The following PKDCC variants were observed in gnomAD, a reference collection of about 807,000 sequenced individuals.
PKDCC encodes protein kinase domain containing, cytoplasmic, also known as extracellular tyrosine-protein kinase PKDCC.
A neutral mutation model predicts 44.7 loss-of-function variants in PKDCC; 35 were observed. The observed-to-expected ratio is 0.78, with a 90% CI of 0.60 to 1.04. The LOEUF is 1.04. PKDCC is among the 50% of genes least tolerant of loss of function. The pLI is 0.00. For synonymous variants in PKDCC, 353 were observed against 303.3 expected (o/e 1.16, Z -1.70); for missense variants, 738 against 672.7 (o/e 1.10, Z -1.07).
chr2:42,048,171 G>A lies in PKDCC; in HGVS notation c.-29G>A. On this transcript the variant is annotated 5_prime_UTR_variant, in exon 1 of 7. Coordinates refer to ENST00000294964, the MANE Select transcript of PKDCC (RefSeq NM_138370.3). The surrounding 1 kb of genome is among the most constrained non-coding windows in gnomAD (Gnocchi z 6.2). ...CGGGGCCGGGGCCGGGGAGCCGCGC[G>A]GGGCCGGCCGGCCGGGGGGAGGGGA... 2 of 1,058,092 alleles carry A rather than the reference G, an allele frequency of 1.9e-6. No homozygotes were observed. Among genetic ancestry groups the A allele is most frequent in the East Asian group, 7.2e-5 (1 of 13,924 alleles). The allele number at this position is 1,058,092 out of a possible 1,614,324, so 65.5% of individuals were successfully genotyped here.
Position 42,048,227 on chromosome 2 carries a change from G to T in PKDCC, c.28G>T (p.Ala10Ser). The T allele has an allele frequency of 8.0e-7, 1 of 1,243,090 alleles. No homozygotes were observed. 77.0% of individuals were successfully genotyped at this position (1,243,090 alleles called of 1,614,324 possible). The change falls in exon 1 of 7, where the codon GCG becomes TCG. Residue 10 changes from alanine (A) to serine (S), a missense_variant. Physicochemically the swap from Ala to Ser is moderately conservative, Grantham distance 99 (BLOSUM62 1). Transcript: ENST00000294964. The surrounding 1 kb of genome is among the most constrained non-coding windows in gnomAD (Gnocchi z 6.2). ...GCGGCGCCGGCGGGCGGCAGTGGCC[G>T]CGGGTTTCTGCGCCTCCTTCCTGCT... The part of the protein sequence containing the change: MRRRRAAVA[A>S]GFCASFLLGS...
chr2:42,054,361 G>A lies in PKDCC; in HGVS notation c.1034+54G>A. On this transcript the variant is annotated intron_variant, in intron 3 of 6. Transcript: ENST00000294964. This position sits in a 1 kb window ranked among gnomAD's most constrained non-coding sequence, Gnocchi z 6.1. ...CATCGAAGGAGAATGGGCCAGGAGG[G>A]CATGGCAGGAAGAGAGCCAACGTGG... 3.2e-6 allele frequency: 5 copies of A among 1,538,992 alleles called. No homozygotes were observed. The highest frequency in any genetic ancestry group is 2.6e-6 in the Non-Finnish European group (3 of 1,138,878).
rs751205624 is a variant in PKDCC, at chr2:42,057,359, G to A, written c.1361G>A (p.Arg454Gln). 19 of 1,614,160 alleles carry A rather than the reference G, an allele frequency of 1.2e-5. No individual in the cohort carries two copies. Among genetic ancestry groups the A allele is most frequent in the Admixed American group, 6.7e-5 (4 of 60,020 alleles). The change falls in exon 6 of 7, where the codon CGG becomes CAG. Residue 454 changes from arginine (R) to glutamine (Q), a missense_variant. Arg to Gln is a conservative substitution (Grantham distance 43, BLOSUM62 1). Transcript: ENST00000294964. ...GTCTGTGAGAGCCATGCCCAGTGTC[G>A]GGCCTTTGTGGTCACCAACCAGACC... is the stretch of plus-strand genomic sequence containing the variant. ...VDVCESHAQC[R>Q]AFVVTNQTTW... is the part of the protein sequence containing the mutation.
chr2:42,051,492 T>C lies in PKDCC; in HGVS notation c.640-1747T>C, dbSNP rs1209848348. Among the ~76,000 whole-genome samples the C allele has an allele frequency of 1.4e-5, 2 of 145,890 alleles. No homozygotes were observed. The highest frequency in any genetic ancestry group is 3.0e-5 in the Non-Finnish European group (2 of 66,488). The stretch of plus-strand genomic sequence containing the variant: ...TCAGCCTCACGCTTCCTGGGGGGGG[T>C]TAATGGTGTCTTTTTATTTTTTCCT... On this transcript the variant is annotated intron_variant, in intron 1 of 6. Transcript: ENST00000294964. The surrounding 1 kb of genome is among the most constrained non-coding windows in gnomAD (Gnocchi z 4.2).
chr2:42,048,734 G>C lies in PKDCC; in HGVS notation c.535G>C (p.Val179Leu), dbSNP rs1325525407. The C allele has an allele frequency of 3.2e-6, 5 of 1,571,478 alleles. No homozygotes were observed. Among genetic ancestry groups the C allele is most frequent in the African/African-American group, 1.4e-5 (1 of 74,002 alleles). Residue 179 changes from valine to leucine, a missense_variant, in exon 1 of 7, where the codon GTG (valine) becomes CTG (leucine). Val to Leu is a conservative substitution (Grantham distance 32). Coordinates refer to ENST00000294964, the MANE Select transcript of PKDCC (RefSeq NM_138370.3). The surrounding 1 kb of genome is among the most constrained non-coding windows in gnomAD (Gnocchi z 6.2). ...DFSGHDLGSC[V>L]REFGVRRGCY... ...TAGCGGCCACGATCTGGGCAGCTGC[G>C]TGCGCGAGTTCGGGGTACGGAGGGG...
intron 1 of PKDCC, among the ~76,000 whole-genome samples, chr2:42,050,245 G>A (rs1284713830): frequency 6.6e-6 from 1 of 152,176 alleles, no homozygotes; most frequent in Non-Finnish European, 1.5e-5. Context: ...GCAGCTTCAG[G>A]GAGTGAGCCC....
intron 1 of PKDCC, 49 bp from the exon 2 acceptor site, chr2:42,053,190 T>TGCCCCC: frequency 4.2e-6 from 5 of 1,200,002 alleles, no homozygotes; most frequent in Non-Finnish European, 5.9e-6. Context: ...CCCTTCCCTG[T>TGCCCCC]CCCCACCCCC....
Position 42,054,238 on chromosome 2 carries a change from C to A in PKDCC, c.965C>A (p.Thr322Asn), listed in dbSNP as rs1240275871. 7 of 1,604,262 alleles carry A rather than the reference C, an allele frequency of 4.4e-6. No individual in the cohort carries two copies. The highest frequency in any genetic ancestry group is 1.3e-5 in the African/African-American group (1 of 74,746). The change falls in exon 3 of 7, where the codon ACC (threonine) becomes AAC (asparagine). Residue 322 changes from threonine (T) to asparagine (N), a missense_variant. Transcript: ENST00000294964. This position sits in a 1 kb window ranked among gnomAD's most constrained non-coding sequence, Gnocchi z 6.1. ...CTCGAGTTTCCGGCCAGGAACTTCA[C>A]CCTGCCCTGCTCAGCCCAGGGCTGG... ...CILEFPARNFTLPCSAQGWCE... is the reference protein window; with the variant it reads ...CILEFPARNFNLPCSAQGWCE...
rs980569106 is a variant in PKDCC, at chr2:42,055,790, A to G, written c.1222+397A>G. Among the ~76,000 whole-genome samples the G allele has an allele frequency of 5.3e-5, 8 of 152,206 alleles. No individual in the cohort carries two copies. The highest frequency in any genetic ancestry group is 1.7e-4 in the African/African-American group (7 of 41,446). ...ATGTCAGGTGAAATGTGTGAAAGCA[A>G]TTAGTGCAGTTCCTATGACACAGCT... On this transcript the variant is annotated intron_variant, in intron 5 of 6. Coordinates refer to ENST00000294964, the MANE Select transcript of PKDCC (RefSeq NM_138370.3). This position sits in a 1 kb window ranked among gnomAD's most constrained non-coding sequence, Gnocchi z 4.5.
Position 42,057,757 on chromosome 2 carries a change from T to G in PKDCC, c.*69T>G, listed in dbSNP as rs896250447. The G allele has an allele frequency of 8.1e-6, 11 of 1,361,192 alleles. No individual in the cohort carries two copies. In the African/African-American group the frequency reaches 1.4e-4, roughly 18 times the overall value. The allele number at this position is 1,361,192 out of a possible 1,614,324, so 84.3% of individuals were successfully genotyped here. A position where few individuals can be genotyped will look rare whatever the true frequency, so the allele number is the denominator to read the frequency against. Reference sequence around the variant, plus strand: ...TGGGCTTGCCTGTGGAGGGAGTGACTTGCACTGGCAGCACTGCATGTCACC... The same window carrying G: ...TGGGCTTGCCTGTGGAGGGAGTGACGTGCACTGGCAGCACTGCATGTCACC... On this transcript the variant is annotated 3_prime_UTR_variant, in exon 7 of 7. Transcript: ENST00000294964.
chr2:42,055,083 T>G lies in PKDCC; in HGVS notation c.1114+63T>G. Reference sequence around the variant, plus strand: ...CCCCACCCCCACCCGCCAGCAAAAGTGGGGAGAAAAATAACCCAGGGCAGC... The same window carrying G: ...CCCCACCCCCACCCGCCAGCAAAAGGGGGGAGAAAAATAACCCAGGGCAGC... On this transcript the variant is annotated intron_variant, in intron 4 of 6. Transcript: ENST00000294964. This position sits in a 1 kb window ranked among gnomAD's most constrained non-coding sequence, Gnocchi z 4.5. 6.6e-7 allele frequency: 1 copy of G among 1,515,252 alleles called. No individual in the cohort carries two copies. Among genetic ancestry groups the G allele is most frequent in the Non-Finnish European group, 9.1e-7 (1 of 1,095,616 alleles). The allele number at this position is 1,515,252 out of a possible 1,614,324, so 93.9% of individuals were successfully genotyped here. A position where few individuals can be genotyped will look rare whatever the true frequency, so the allele number is the denominator to read the frequency against.
At chr2:42,053,507 C>A (rs1668003840) in intron 2 of PKDCC, 146 bp downstream of exon 2, 3 of 1,124,630 alleles carry the variant, frequency 2.7e-6, no homozygotes, top group Non-Finnish European at 3.7e-6. Flanking sequence ...AGCCACCGGC[C>A]AAAGGGTTCA....
Position 42,048,919 on chromosome 2 carries a change from T to C in PKDCC, c.639+81T>C. On this transcript the variant is annotated intron_variant, in intron 1 of 6. Coordinates refer to ENST00000294964, the MANE Select transcript of PKDCC (RefSeq NM_138370.3). The surrounding 1 kb of genome is among the most constrained non-coding windows in gnomAD (Gnocchi z 6.2). ...GTCAACCTGGCTGGAAGAGAACCCC[T>C]TGATCTGGAGTGCCAGTGACTGCAC... 1 of 1,350,572 alleles carries C rather than the reference T, an allele frequency of 7.4e-7. No individual in the cohort carries two copies. The highest frequency in any genetic ancestry group is 2.0e-5 in the South Asian group (1 of 50,592). 83.7% of individuals were successfully genotyped at this position (1,350,572 alleles called of 1,614,324 possible).
Position 42,048,097 on chromosome 2 carries a change from A to C in PKDCC, c.-103A>C. The C allele has an allele frequency of 3.4e-6, 2 of 593,208 alleles. No individual in the cohort carries two copies. The highest frequency in any genetic ancestry group is 3.2e-5 in the African/African-American group (1 of 30,980). The allele number at this position is 593,208 out of a possible 1,614,324, so 36.7% of individuals were successfully genotyped here. A position where few individuals can be genotyped will look rare whatever the true frequency, so the allele number is the denominator to read the frequency against. ...CCGGGGCCATGCGCGCGGGCTGGGC[A>C]GGGGGCCGGCGGGGCGCAGAGCGGA... On this transcript the variant is annotated 5_prime_UTR_variant, in exon 1 of 7. Coordinates refer to ENST00000294964, the MANE Select transcript of PKDCC (RefSeq NM_138370.3). This position sits in a 1 kb window ranked among gnomAD's most constrained non-coding sequence, Gnocchi z 6.2.
chr2:42,052,100 G>A lies in PKDCC; in HGVS notation c.640-1139G>A, dbSNP rs1292028862. Among the ~76,000 whole-genome samples the A allele has an allele frequency of 1.3e-5, 2 of 152,080 alleles. No individual in the cohort carries two copies. The highest frequency in any genetic ancestry group is 2.9e-5 in the Non-Finnish European group (2 of 68,012). On this transcript the variant is annotated intron_variant, in intron 1 of 6. Coordinates refer to ENST00000294964, the MANE Select transcript of PKDCC (RefSeq NM_138370.3). This position sits in a 1 kb window ranked among gnomAD's most constrained non-coding sequence, Gnocchi z 4.3. Reference sequence around the variant, plus strand: ...GACACTCAGGCTTTGCTTCCCAGAAGTCCCTGGGCAGTGCGGAGCTTCTCC... The same window carrying A: ...GACACTCAGGCTTTGCTTCCCAGAAATCCCTGGGCAGTGCGGAGCTTCTCC...
chr2:42,050,274 T>C (rs1016433457), intron 1 of PKDCC, among the ~76,000 whole-genome samples: 1 of 152,220 alleles, frequency 6.6e-6, no homozygotes, highest in African/African-American at 2.4e-5. Flanking sequence ...GTGGCCATTC[T>C]AACTGGGAGG....
intron 1 of PKDCC, among the ~76,000 whole-genome samples, chr2:42,049,975 G>A (rs1667939471): frequency 6.6e-6 from 1 of 152,172 alleles, no homozygotes; most frequent in South Asian, 2.1e-4. Context: ...GGAAACCCAG[G>A]AGTCCCTCTC....
chr2:42,053,366 G>C lies in PKDCC; in HGVS notation c.762+5G>C. 6.2e-7 allele frequency: 1 copy of C among 1,609,232 alleles called. No individual in the cohort carries two copies. ...TCCTGGGAGGATCGATTCCGAGTGA[G>C]CTCAGAGGAGGGCTCGGGCCCTGGG... On this transcript the variant is annotated splice_donor_5th_base_variant and intron_variant, in intron 2 of 6. Transcript: ENST00000294964.
Position 42,053,068 on chromosome 2 carries a change from C to T in PKDCC, c.640-171C>T, listed in dbSNP as rs149412904. The stretch of plus-strand genomic sequence containing the variant: ...ACATGGTCAGTAGGAAGTCTGACTG[C>T]AGGGAAGAGAGGGCATGCTTCCCAG... On this transcript the variant is annotated intron_variant, in intron 1 of 6. Coordinates refer to ENST00000294964, the MANE Select transcript of PKDCC (RefSeq NM_138370.3). Among the ~76,000 whole-genome samples the T allele has an allele frequency of 4.6e-5, 7 of 152,314 alleles. No individual in the cohort carries two copies. The East Asian group carries it at 1.4e-3, about 29-fold the overall frequency.
Sources: allele counts gnomAD v4.1 joint callset (sites outside exome capture counted in the v4.1 genomes callset), GRCh38; gene constraint gnomAD v4.1.1; non-coding constraint Gnocchi (gnomAD v3.1); transcripts MANE v1.5; gene names NCBI Gene and HGNC (gene_info 2026-07-23, HGNC 2026-07-21).